MGAT4C: variants seen among roughly 807,000 people sequenced by gnomAD.
MGAT4C encodes MGAT4 family member C.
Under a neutral mutation model 40.1 loss-of-function variants are expected in MGAT4C, and 19 were observed. That is an observed-to-expected ratio of 0.47 (90% CI 0.33 to 0.70). The LOEUF is 0.70. Among genes scored for constraint, MGAT4C ranks in the 30% least tolerant of loss-of-function variants. MGAT4C has a pLI of 0.02. For synonymous variants in MGAT4C, 181 were observed against 187.1 expected (o/e 0.97, Z 0.27); for missense variants, 491 against 563.2 (o/e 0.87, Z 1.30).
chr12:86,121,924 C>T lies in MGAT4C; in HGVS notation c.-56-72201G>A, dbSNP rs552214537. Among the ~76,000 whole-genome samples, 29 of 152,250 alleles carry T rather than the reference C, an allele frequency of 1.9e-4. No individual in the cohort carries two copies. The South Asian group carries it at 3.5e-3, about 18-fold the overall frequency. ...TTATACAAATGATTAATTTTAACAA[C>T]ATTTCACAATTGTGATCATAACAGC... is the stretch of plus-strand genomic sequence containing the variant. On this transcript the variant is annotated intron_variant, in intron 1 of 4. Coordinates refer to ENST00000611864, the MANE Select transcript of MGAT4C (RefSeq NM_001351288.2).
At chr12:86,466,139 G>C (rs979453043) in intron 2 of MGAT4C, among the ~76,000 whole-genome samples, 1 of 151,954 alleles carries the variant, frequency 6.6e-6, no homozygotes, top group African/African-American at 2.4e-5. Flanking sequence ...AACCCAGGAG[G>C]TGGAGGTTGC....
intron 2 of MGAT4C, among the ~76,000 whole-genome samples, chr12:86,009,883 A>T (rs1888285121): frequency 6.6e-6 from 1 of 152,194 alleles, no homozygotes; most frequent in Non-Finnish European, 1.5e-5. Flanking sequence ...TGACAAATGT[A>T]AATGAGTTGG....
At chr12:86,796,016 A>C (rs1455917702) in intron 1 of MGAT4C, among the ~76,000 whole-genome samples, 1 of 152,040 alleles carries the variant, frequency 6.6e-6, no homozygotes, top group East Asian at 1.9e-4. Context: ...AACTTCAAAA[A>C]ATTTACACGC....
rs140559182 is a variant in MGAT4C at position 86,106,513 on chromosome 12, C to A, written c.-56-56790G>T. 3.9e-5 allele frequency among the ~76,000 whole-genome samples: 6 copies of A among 152,262 alleles called. No homozygotes were observed. The East Asian group carries it at 1.2e-3, about 30-fold the overall frequency. On this transcript the variant is annotated intron_variant, in intron 1 of 4. Transcript: ENST00000611864. ...AAAGACAGGGTTTCCCCATCTTATC[C>A]AGGCTGTTCTTGAACTCCTGGGCTC... is the stretch of plus-strand genomic sequence containing the variant.
At chr12:86,355,786 T>C (rs1264008895) in intron 3 of MGAT4C, among the ~76,000 whole-genome samples, 1 of 152,132 alleles carries the variant, frequency 6.6e-6, no homozygotes, top group Admixed American at 6.5e-5. Flanking sequence ...AAATATTAAC[T>C]GAAAAATCCA....
intron 1 of MGAT4C, among the ~76,000 whole-genome samples, chr12:86,254,031 T>C (rs563537194): frequency 6.6e-6 from 1 of 152,052 alleles, no homozygotes; most frequent in African/African-American, 2.4e-5. Context: ...TTTTTTTCCA[T>C]CTCTTCTTAA....
At chr12:86,188,124 T>C (rs1888981880) in intron 1 of MGAT4C, among the ~76,000 whole-genome samples, 1 of 152,014 alleles carries the variant, frequency 6.6e-6, no homozygotes, top group Non-Finnish European at 1.5e-5. Context: ...CAAGTTATAC[T>C]AGAAAAGTAT....
chr12:86,495,254 T>G (rs553506455), intron 2 of MGAT4C: 1 of 152,156 alleles, frequency 6.6e-6, no homozygotes, highest in South Asian at 2.1e-4. Flanking sequence ...AAATTACTTT[T>G]GAAGGCCCCC....
chr12:86,349,914 A>G lies in MGAT4C; in HGVS notation c.-119-15787T>C, dbSNP rs192774618. 8.0e-3 allele frequency among the ~76,000 whole-genome samples: 1,211 copies of G among 152,148 alleles called. 10 individuals are homozygous for G. Among genetic ancestry groups the G allele is most frequent in the Admixed American group, 0.012 (184 of 15,260 alleles). On this transcript the variant is annotated intron_variant, in intron 3 of 7. Coordinates refer to the MGAT4C transcript ENST00000548651. Reference sequence around the variant, plus strand: ...TGTAAATATAATTTATTCCAAATATAATTTATTCCATAAATTCTTTCTAAA... The same window carrying G: ...TGTAAATATAATTTATTCCAAATATGATTTATTCCATAAATTCTTTCTAAA...
chr12:86,084,672 A>G (rs1462709849), intron 1 of MGAT4C, among the ~76,000 whole-genome samples: 2 of 151,678 alleles, frequency 1.3e-5, no homozygotes, highest in Non-Finnish European at 2.9e-5. Flanking sequence ...GTAAAAGTGT[A>G]TTTGTATACT....
intron 2 of MGAT4C, among the ~76,000 whole-genome samples, chr12:86,493,568 T>G (rs1055569134): frequency 4.0e-5 from 6 of 151,586 alleles, no homozygotes; most frequent in Middle Eastern, 3.4e-3. Context: ...AACACTGCAT[T>G]TTCTCACTCA....
upstream of MGAT4C, among the ~76,000 whole-genome samples, chr12:86,258,927 A>G (rs906062833): frequency 7.2e-5 from 11 of 152,090 alleles, no homozygotes; most frequent in East Asian, 1.9e-4. Context: ...AATCTTTATC[A>G]CATACATTAA....
intron 2 of MGAT4C, among the ~76,000 whole-genome samples, chr12:86,533,023 T>G (rs1959010054): frequency 6.6e-6 from 1 of 152,062 alleles, no homozygotes; most frequent in South Asian, 2.1e-4. Context: ...ATTTTCCACA[T>G]ATCAGATAAG....
chr12:86,543,853 T>G (rs1959180138), intron 2 of MGAT4C, among the ~76,000 whole-genome samples: 1 of 152,100 alleles, frequency 6.6e-6, no homozygotes, highest in Non-Finnish European at 1.5e-5. Flanking sequence ...ATTCCTCTGG[T>G]CAGGTGGTGG....
intron 3 of MGAT4C, among the ~76,000 whole-genome samples, chr12:86,408,212 T>C (rs2136242497): frequency 6.6e-6 from 1 of 152,022 alleles, no homozygotes; most frequent in East Asian, 1.9e-4. Flanking sequence ...AAAATTCTAT[T>C]TTGTAGTATG....
intron 2 of MGAT4C, among the ~76,000 whole-genome samples, chr12:86,674,875 T>C (rs1964351584): frequency 6.6e-6 from 1 of 152,182 alleles, no homozygotes; most frequent in Non-Finnish European, 1.5e-5. Flanking sequence ...AATCTCTTGT[T>C]TATTTAATTC....
intron 2 of MGAT4C, among the ~76,000 whole-genome samples, chr12:86,473,019 A>T (rs888500305): frequency 1.3e-5 from 2 of 152,070 alleles, no homozygotes; most frequent in African/African-American, 2.4e-5. Flanking sequence ...GCAATGGTGC[A>T]ATCTCAGCTC....
At chr12:86,272,865 A>G (rs1218048312) in intron 4 of MGAT4C, among the ~76,000 whole-genome samples, 1 of 152,118 alleles carries the variant, frequency 6.6e-6, no homozygotes, top group African/African-American at 2.4e-5. Context: ...ATAAATAAAT[A>G]AATAAATTAA....
chr12:86,428,799 G>A (rs1232708158), intron 3 of MGAT4C, among the ~76,000 whole-genome samples: 1 of 151,684 alleles, frequency 6.6e-6, no homozygotes, highest in Non-Finnish European at 1.5e-5. Context: ...TTATTTCTGT[G>A]GTATCTGTTG....
Sources: allele counts gnomAD v4.1 joint callset (sites outside exome capture counted in the v4.1 genomes callset), GRCh38; gene constraint gnomAD v4.1.1; transcripts MANE v1.5; gene names NCBI Gene and HGNC (gene_info 2026-07-23, HGNC 2026-07-21).